The following MCF2 variants were observed in gnomAD, a reference collection of about 807,000 sequenced individuals.
MCF2 encodes the protein proto-oncogene DBL.
In MCF2, 44 loss-of-function variants were observed where a neutral mutation model predicts 82.5. That is an observed-to-expected ratio of 0.53 (90% CI 0.42 to 0.69). MCF2 has a LOEUF of 0.69. MCF2 is among the 30% of genes least tolerant of loss of function. The pLI is 0.00. For synonymous variants in MCF2, 217 were observed against 224.9 expected (o/e 0.96, Z 0.32); for missense variants, 623 against 663.1 (o/e 0.94, Z 0.66).
At chrX:139,583,464 C>T (rs2148378044) in intron 24 of MCF2, among the ~76,000 whole-genome samples, 1 of 111,618 alleles carries the variant, frequency 9.0e-6, no homozygotes, top group African/African-American at 3.3e-5. Context: ...GTGGATGCAG[C>T]TGGAAACCGT....
rs137865420 is a variant in MCF2 at position 139,652,077 on chromosome X, C to T, written c.-44-289G>A. Reference sequence around the variant, plus strand: ...AAGGACAAAGGCACAAACTCCAGGACATTCGGATTTATTTGAAGGGTAGAT... The same window carrying T: ...AAGGACAAAGGCACAAACTCCAGGATATTCGGATTTATTTGAAGGGTAGAT... On this transcript the variant is annotated intron_variant, in intron 1 of 27. Transcript: ENST00000414978. Among the ~76,000 whole-genome samples, 842 of 111,991 alleles carry T rather than the reference C, an allele frequency of 7.5e-3. 9 individuals carry two copies. The highest frequency in any genetic ancestry group is 0.026 in the African/African-American group (790 of 30,845).
rs112495917 is a variant in MCF2, at chrX:139,675,291, C to T, written c.-44-23503G>A. Among the ~76,000 whole-genome samples, 352 of 112,380 alleles carry T rather than the reference C, an allele frequency of 3.1e-3. 2 individuals carry two copies. Among genetic ancestry groups the T allele is most frequent in the African/African-American group, 0.011 (343 of 30,948 alleles). ...GTTTGTTATTACCGACCTTCTGAAG[C>T]CTACTTCTGTCAGCTCATCAAAGTC... is the stretch of plus-strand genomic sequence containing the variant. On this transcript the variant is annotated intron_variant, in intron 1 of 27. Coordinates refer to the MCF2 transcript ENST00000414978.
chrX:139,674,674 G>A (rs1221881059), intron 1 of MCF2, among the ~76,000 whole-genome samples: 7 of 112,177 alleles, frequency 6.2e-5, no homozygotes, highest in Non-Finnish European at 1.3e-4. Flanking sequence ...GGCTGGTAGA[G>A]TTTCTGCCGA....
chrX:139,609,315 C>T (rs991747669), intron 11 of MCF2, among the ~76,000 whole-genome samples: 3 of 112,269 alleles, frequency 2.7e-5, no homozygotes, highest in South Asian at 7.3e-4. Flanking sequence ...GAGACCAAGG[C>T]GGGAGGATCA....
At chrX:139,593,223 T>C (rs1221468475) in intron 19 of MCF2, among the ~76,000 whole-genome samples, 1 of 111,863 alleles carries the variant, frequency 8.9e-6, no homozygotes, top group Admixed American at 9.5e-5. Context: ...TTCTGTGGGA[T>C]TGGTAGTGAT....
At chrX:139,692,439 C>T (rs752545534) in intron 1 of MCF2, among the ~76,000 whole-genome samples, 1 of 111,367 alleles carries the variant, frequency 9.0e-6, no homozygotes, top group East Asian at 2.9e-4. Context: ...CTCTGGCCCC[C>T]GCCGCTGCGA....
intron 24 of MCF2, among the ~76,000 whole-genome samples, chrX:139,583,110 A>T (rs1031795899): frequency 1.8e-5 from 2 of 111,334 alleles, no homozygotes; most frequent in Admixed American, 1.9e-4. Context: ...AGAGGATACT[A>T]GGTGTATGGT....
At chrX:139,681,708 A>T (rs1274568736) in intron 1 of MCF2, among the ~76,000 whole-genome samples, 1 of 112,054 alleles carries the variant, frequency 8.9e-6, no homozygotes, top group African/African-American at 3.2e-5. Context: ...CACCATTAGA[A>T]ATAAGTTCCC....
intron 1 of MCF2, among the ~76,000 whole-genome samples, chrX:139,633,526 C>T (rs1279138205): frequency 9.0e-6 from 1 of 111,098 alleles, no homozygotes; most frequent in Non-Finnish European, 1.9e-5. Context: ...TAAGTCTGTG[C>T]TCTTAATCAC....
Position 139,619,605 on chromosome X carries a change from GT to G in MCF2, c.788del (p.Asn263ThrfsTer2). The G allele has an allele frequency of 8.7e-7, 1 of 1,155,342 alleles. No homozygotes were observed. The highest frequency in any genetic ancestry group is 1.9e-5 in the South Asian group (1 of 52,433). On this transcript the variant is annotated frameshift_variant, in exon 7 of 25. Transcript: ENST00000370576. LOFTEE classifies it high-confidence loss of function. Reference sequence around the variant, plus strand: ...ATCTTACCTGAGAATTTTCATCTAAGTTTTCCAATTTTTTTATTTTTTGTTT... The same window carrying G: ...ATCTTACCTGAGAATTTTCATCTAAGTTTCCAATTTTTTTATTTTTTGTTT...
chrX:139,616,329 C>A lies in MCF2; in HGVS notation c.1144G>T (p.Glu382Ter). 1 of 1,168,124 alleles carries A rather than the reference C, an allele frequency of 8.6e-7. No individual in the cohort carries two copies. The highest frequency in any genetic ancestry group is 1.2e-6 in the Non-Finnish European group (1 of 868,774). ...ACATCAAATTCATACTGCAGTGTTT[C>A]AGGTTCATAATTTATAAAGGGTAGA... Residue 382 changes from glutamate to a stop codon, truncating the protein, a stop_gained, in exon 9 of 25, where the codon GAA (glutamate) becomes TAA (stop). Transcript: ENST00000370576. LOFTEE classifies it high-confidence loss of function.
intron 1 of MCF2, among the ~76,000 whole-genome samples, chrX:139,653,368 C>T (rs1251861720): frequency 1.8e-5 from 2 of 111,908 alleles, no homozygotes; most frequent in Non-Finnish European, 1.9e-5. Flanking sequence ...AATAGGAGAC[C>T]CAAATTTCTC....
intron 10 of MCF2, among the ~76,000 whole-genome samples, chrX:139,611,935 G>C (rs1198659771): frequency 9.1e-6 from 1 of 109,499 alleles, no homozygotes; most frequent in Non-Finnish European, 1.9e-5. Context: ...AGAGAGAACA[G>C]TGTGTGTAAT....
At chrX:139,678,840 G>A (rs1447793279) in intron 1 of MCF2, among the ~76,000 whole-genome samples, 1 of 112,362 alleles carries the variant, frequency 8.9e-6, no homozygotes, top group African/African-American at 3.2e-5. Flanking sequence ...GCACTTATAT[G>A]TGCAACAACA....
intron 1 of MCF2, among the ~76,000 whole-genome samples, chrX:139,692,560 G>C (rs1255552894): frequency 1.8e-5 from 2 of 112,079 alleles, no homozygotes; most frequent in South Asian, 7.4e-4. Context: ...GAGAATTTCT[G>C]CAGAGATTCC....
chrX:139,658,667 GTTTTTTTTTTTT>G (rs1182070757), intron 1 of MCF2, among the ~76,000 whole-genome samples: 24 of 56,613 alleles, frequency 4.2e-4, no homozygotes, highest in Non-Finnish European at 7.4e-4. Flanking sequence ...AAAAAGATGT[GTTTTTTTTTTTT>G]TTTTTTTTTT....
At chrX:139,628,591 C>A (rs898570439) in intron 4 of MCF2, among the ~76,000 whole-genome samples, 2 of 111,553 alleles carry the variant, frequency 1.8e-5, no homozygotes, top group African/African-American at 3.3e-5. Flanking sequence ...ATCCATGTAA[C>A]AAACCTGCAC....
chrX:139,607,868 G>A, intron 11 of MCF2, 89 bp from the exon 16 acceptor site: 2 of 555,459 alleles, frequency 3.6e-6, no homozygotes, highest in South Asian at 6.2e-5. Context: ...GTTTATTCTA[G>A]GTCCTAACTC....
At chrX:139,652,348 G>A (rs1934053311) in intron 1 of MCF2, among the ~76,000 whole-genome samples, 1 of 111,542 alleles carries the variant, frequency 9.0e-6, no homozygotes, top group Non-Finnish European at 1.9e-5. Flanking sequence ...ACGCGGGCAA[G>A]TTAGTTAGCC....
Sources: gnomAD v4.1 joint callset for allele counts (sites outside exome capture counted in the v4.1 genomes callset) on GRCh38, gnomAD v4.1.1 for gene constraint, MANE v1.5 for transcripts, NCBI Gene and HGNC (gene_info 2026-07-23, HGNC 2026-07-21) for gene names.